Variants in ST6GALNAC5 observed in about 807,000 individuals in gnomAD.
The protein encoded by ST6GALNAC5 is ST6 N-acetylgalactosaminide alpha-2,6-sialyltransferase 5.
A neutral mutation model predicts 33.6 loss-of-function variants in ST6GALNAC5; 27 were observed. That is an observed-to-expected ratio of 0.80 (90% confidence interval 0.59 to 1.11). The LOEUF (loss-of-function observed/expected upper bound fraction) is 1.11, where lower values mean the gene tolerates loss of function less well. ST6GALNAC5 is among the 50% of genes least tolerant of loss of function. The probability of loss-of-function intolerance (pLI) is 0.00; values close to 1 mark genes in which losing one functional copy is unlikely to be tolerated. For synonymous variants in ST6GALNAC5, 194 were observed against 171.2 expected, an observed-to-expected ratio of 1.13 and a Z score of -1.04; for missense variants, 428 against 454.0, an observed-to-expected ratio of 0.94 and a Z score of 0.52.
intron 2 of ST6GALNAC5, among the ~76,000 whole-genome samples, chr1:76,918,565 C>T (rs1646998669): frequency 6.8e-6 from 1 of 147,910 alleles, no homozygotes; most frequent in Admixed American, 6.8e-5. Context: ...TTGCAGTGAG[C>T]CGAGATCACA....
intron 2 of ST6GALNAC5, among the ~76,000 whole-genome samples, chr1:76,886,053 C>T (rs78668253): frequency 5.1e-3 from 770 of 152,278 alleles, no homozygotes; most frequent in Non-Finnish European, 6.3e-3. Context: ...TTTATTTTCC[C>T]GGCTTCTGCT....
intron 2 of ST6GALNAC5, among the ~76,000 whole-genome samples, chr1:76,981,424 C>A (rs759206853): frequency 6.6e-6 from 1 of 152,174 alleles, no homozygotes; most frequent in East Asian, 1.9e-4. Flanking sequence ...AAGGCTGCAG[C>A]GTGGCTGGGG....
At chr1:76,902,449 T>C (rs1431540497) in intron 2 of ST6GALNAC5, among the ~76,000 whole-genome samples, 1 of 152,146 alleles carries the variant, frequency 6.6e-6, no homozygotes, top group Non-Finnish European at 1.5e-5. Context: ...GCTCCTCAAA[T>C]AGATCTAAAG....
In ST6GALNAC5 at chr1:77,063,706, C is replaced by T. The variant is rs765853191; in HGVS notation, c.*500C>T. ...TGAAGAGCACATCTCCACTGACTTT[C>T]ATAAAGCAAATGTCCAATATTTATT... On this transcript the variant is annotated 3_prime_UTR_variant, in exon 5 of 5. Coordinates refer to ENST00000477717, the MANE Select transcript of ST6GALNAC5 (RefSeq NM_030965.3). 6.4e-6 allele frequency: 1 copy of T among 155,496 alleles called. No individual in the cohort carries two copies. The highest frequency in any genetic ancestry group is 1.4e-5 in the Non-Finnish European group (1 of 69,766). The allele number at this position is 155,496 out of a possible 1,614,324, so 9.6% of individuals were successfully genotyped here. A position where few individuals can be genotyped will look rare whatever the true frequency, so the allele number is the denominator to read the frequency against.
intron 2 of ST6GALNAC5, among the ~76,000 whole-genome samples, chr1:77,043,849 T>G (rs1395958883): frequency 6.6e-6 from 1 of 152,190 alleles, no homozygotes; most frequent in African/African-American, 2.4e-5. Context: ...AGGGCAACTT[T>G]GGACAAATTT....
At chr1:76,956,378 T>C (rs1647980186) in intron 2 of ST6GALNAC5, among the ~76,000 whole-genome samples, 1 of 152,136 alleles carries the variant, frequency 6.6e-6, no homozygotes, top group African/African-American at 2.4e-5. Context: ...AACCACACTC[T>C]ATTATTACCC....
chr1:76,946,307 A>T (rs192044260), intron 2 of ST6GALNAC5, among the ~76,000 whole-genome samples: 3 of 152,244 alleles, frequency 2.0e-5, no homozygotes, highest in Non-Finnish European at 4.4e-5. Context: ...CACCAGGTCC[A>T]GGACCAATAT....
intron 2 of ST6GALNAC5, among the ~76,000 whole-genome samples, chr1:77,008,009 T>G (rs960210461): frequency 1.3e-5 from 2 of 152,232 alleles, no homozygotes; most frequent in African/African-American, 2.4e-5. Context: ...TTTATTTTAT[T>G]ATTATTATTA....
At chr1:76,992,301 C>A (rs1649766182) in intron 2 of ST6GALNAC5, among the ~76,000 whole-genome samples, 1 of 152,156 alleles carries the variant, frequency 6.6e-6, no homozygotes. Context: ...TCAATAATTT[C>A]TTTTCTGGTG....
intron 4 of ST6GALNAC5, among the ~76,000 whole-genome samples, chr1:77,057,266 C>A (rs938927268): frequency 2.0e-5 from 3 of 152,132 alleles, no homozygotes; most frequent in Non-Finnish European, 2.9e-5. Context: ...CAGGGTTAAC[C>A]TAGATCACAC....
intron 2 of ST6GALNAC5, among the ~76,000 whole-genome samples, chr1:76,978,037 G>A (rs1313086426): frequency 6.6e-6 from 1 of 151,986 alleles, no homozygotes; most frequent in Non-Finnish European, 1.5e-5. Context: ...TGAGGTAATA[G>A]CTCATAGTAG....
At chr1:77,021,778 G>C (rs1392651274) in intron 2 of ST6GALNAC5, among the ~76,000 whole-genome samples, 1 of 152,090 alleles carries the variant, frequency 6.6e-6, no homozygotes, top group Non-Finnish European at 1.5e-5. Flanking sequence ...GCCTGTGATT[G>C]ATACTAATCT....
intron 4 of ST6GALNAC5, among the ~76,000 whole-genome samples, chr1:77,050,963 T>C (rs1460919692): frequency 6.6e-6 from 1 of 152,244 alleles, no homozygotes; most frequent in Admixed American, 6.5e-5. Flanking sequence ...CTCAGCAATA[T>C]TCAGGGCCTG....
chr1:76,986,242 A>G (rs1241398213), intron 2 of ST6GALNAC5, among the ~76,000 whole-genome samples: 3 of 151,706 alleles, frequency 2.0e-5, no homozygotes, highest in African/African-American at 7.3e-5. Context: ...AAAGAGTGGG[A>G]GAAAATTTTT....
chr1:76,991,008 G>A (rs537067620), intron 2 of ST6GALNAC5, among the ~76,000 whole-genome samples: 6 of 152,090 alleles, frequency 3.9e-5, no homozygotes, highest in Non-Finnish European at 8.8e-5. Flanking sequence ...TAGAAGGAGG[G>A]AAGTAGGGAA....
chr1:76,867,641 G>A lies in ST6GALNAC5; in HGVS notation c.-35G>A, dbSNP rs948582761. 1.2e-6 allele frequency: 2 copies of A among 1,613,916 alleles called. No homozygotes were observed. The highest frequency in any genetic ancestry group is 1.3e-5 in the African/African-American group (1 of 74,880). On this transcript the variant is annotated 5_prime_UTR_variant, in exon 1 of 5. Coordinates refer to ENST00000477717, the MANE Select transcript of ST6GALNAC5 (RefSeq NM_030965.3). ...CAGGAAAAAGTGGCCCCGGACGCGC[G>A]AGCCTGAGGATTCTGCACAAAAGAG...
In ST6GALNAC5 at chr1:77,063,164, A is replaced by G; in HGVS notation, c.969A>G (p.Glu323=). The stretch of plus-strand genomic sequence containing the variant: ...TTTTTCAACCAGACTGGAAACCAGA[A>G]TCACTTGCTATAAATCATCCTGAGA... ...IHFFQPDWKP[E]SLAINHPENK... The change falls in exon 5 of 5, where the codon GAA becomes GAG. Residue 323 remains glutamate (E), a synonymous_variant. Coordinates refer to ENST00000477717, the MANE Select transcript of ST6GALNAC5 (RefSeq NM_030965.3). 3 of 1,613,854 alleles carry G rather than the reference A, an allele frequency of 1.9e-6. No individual in the cohort carries two copies. The highest frequency in any genetic ancestry group is 2.5e-6 in the Non-Finnish European group (3 of 1,179,836).
intron 2 of ST6GALNAC5, among the ~76,000 whole-genome samples, chr1:76,872,902 T>G (rs1284709646): frequency 6.6e-6 from 1 of 152,208 alleles, no homozygotes; most frequent in Admixed American, 6.5e-5. Flanking sequence ...CACTATTTTG[T>G]GGGTGAGGAG....
At chr1:77,023,726 TATC>T (rs1353855553) in intron 2 of ST6GALNAC5, among the ~76,000 whole-genome samples, 5 of 152,160 alleles carry the variant, frequency 3.3e-5, no homozygotes, top group Admixed American at 6.5e-5. Context: ...TTAAAATTAT[TATC>T]ATATCCAGCA....
Sources: allele counts gnomAD v4.1 joint callset (sites outside exome capture counted in the v4.1 genomes callset), GRCh38; gene constraint gnomAD v4.1.1; transcripts MANE v1.5; gene names NCBI Gene and HGNC (gene_info 2026-07-23, HGNC 2026-07-21).